The following EXOC4 variants were observed in gnomAD, a reference collection of about 807,000 sequenced individuals.
EXOC4 encodes exocyst complex component 4.
In EXOC4, 71 loss-of-function variants were observed where a neutral mutation model predicts 107.2. That is an observed-to-expected ratio of 0.66 (90% CI 0.55 to 0.81). The LOEUF (loss-of-function observed/expected upper bound fraction) is 0.81. Among genes scored for constraint, EXOC4 ranks in the 30% least tolerant of loss-of-function variants. The probability of loss-of-function intolerance (pLI) is 0.00; values close to 1 mark genes in which losing one functional copy is unlikely to be tolerated. For synonymous variants in EXOC4, 456 were observed against 441.2 expected, an observed-to-expected ratio of 1.03 and a Z score of -0.42; for missense variants, 1,108 against 1,189.6, an observed-to-expected ratio of 0.93 and a Z score of 1.01.
At chr7:133,711,869 T>A (rs1794899723) in intron 10 of EXOC4, among the ~76,000 whole-genome samples, 1 of 152,150 alleles carries the variant, frequency 6.6e-6, no homozygotes, top group African/African-American at 2.4e-5. Context: ...GCCTTCCTGT[T>A]TATTTATTTA....
At chr7:133,940,594 C>A (rs1336235698) in intron 14 of EXOC4, among the ~76,000 whole-genome samples, 3 of 152,138 alleles carry the variant, frequency 2.0e-5, no homozygotes. Flanking sequence ...TCAAGCAAGC[C>A]TGGTTTATCC....
At chr7:133,706,253 A>G (rs1396806837) in intron 10 of EXOC4, among the ~76,000 whole-genome samples, 1 of 152,238 alleles carries the variant, frequency 6.6e-6, no homozygotes, top group African/African-American at 2.4e-5. Context: ...ATATAATTAA[A>G]TTATTGTACT....
chr7:133,914,894 T>A (rs992753944), intron 12 of EXOC4, among the ~76,000 whole-genome samples: 2 of 152,098 alleles, frequency 1.3e-5, no homozygotes, highest in African/African-American at 2.4e-5. Context: ...TACCAAAGAA[T>A]ATAAAGCCAC....
chr7:133,320,813 A>T (rs1165217404), intron 5 of EXOC4, among the ~76,000 whole-genome samples: 1 of 152,238 alleles, frequency 6.6e-6, no homozygotes, highest in Non-Finnish European at 1.5e-5. Flanking sequence ...AATTGTATAA[A>T]TGAGGAAGAT....
At chr7:133,814,001 AG>A (rs1325633637) in intron 10 of EXOC4, among the ~76,000 whole-genome samples, 9 of 152,216 alleles carry the variant, frequency 5.9e-5, no homozygotes, top group African/African-American at 2.2e-4. Flanking sequence ...TATTAAATAT[AG>A]TCTTTGATAT....
chr7:133,409,301 T>C (rs1797301509), intron 7 of EXOC4, among the ~76,000 whole-genome samples: 2 of 152,198 alleles, frequency 1.3e-5, no homozygotes, highest in South Asian at 4.1e-4. Context: ...TCTTAATTCA[T>C]TGCCATTATG....
At chr7:133,932,541 G>C (rs1186888351) in intron 13 of EXOC4, among the ~76,000 whole-genome samples, 7 of 152,122 alleles carry the variant, frequency 4.6e-5, no homozygotes, top group Non-Finnish European at 7.3e-5. Context: ...CTGACATCTT[G>C]CTATACTCAC....
chr7:133,552,711 T>C (rs551831496), intron 9 of EXOC4, among the ~76,000 whole-genome samples: 1 of 152,236 alleles, frequency 6.6e-6, no homozygotes, highest in Admixed American at 6.5e-5. Context: ...ACAGTCCAGC[T>C]ACATGGAAGT....
At chr7:134,042,155 T>G (rs1352802190) in intron 17 of EXOC4, among the ~76,000 whole-genome samples, 1 of 152,154 alleles carries the variant, frequency 6.6e-6, no homozygotes, top group Non-Finnish European at 1.5e-5. Context: ...GGAGGATACC[T>G]GGGAAAAACT....
chr7:133,254,935 C>T (rs759529128), intron 1 of EXOC4, among the ~76,000 whole-genome samples: 2 of 152,120 alleles, frequency 1.3e-5, no homozygotes, highest in African/African-American at 2.4e-5. Flanking sequence ...TTGAAAACAG[C>T]ATGAAAGCCA....
At chr7:134,036,167 T>G (rs546911624) in intron 17 of EXOC4, among the ~76,000 whole-genome samples, 2 of 152,340 alleles carry the variant, frequency 1.3e-5, no homozygotes, top group South Asian at 4.1e-4. Context: ...TGCCCCTGTA[T>G]GAGTTTAATG....
intron 9 of EXOC4, among the ~76,000 whole-genome samples, chr7:133,538,839 AAAAGAAAG>A (rs200950060): frequency 1.7e-5 from 2 of 118,476 alleles, no homozygotes; most frequent in African/African-American, 3.3e-5. Flanking sequence ...TCTTGAAAGA[AAAAGAAAG>A]AAAGAAAGAA....
chr7:134,018,525 AGTGAATT>A (rs1794959492), intron 17 of EXOC4, among the ~76,000 whole-genome samples: 1 of 152,194 alleles, frequency 6.6e-6, no homozygotes, highest in South Asian at 2.1e-4. Flanking sequence ...ACATGGCCAC[AGTGAATT>A]CTGTGGCCAG....
At chr7:133,990,871 A>G (rs550149864) in intron 14 of EXOC4, among the ~76,000 whole-genome samples, 6 of 152,188 alleles carry the variant, frequency 3.9e-5, no homozygotes, top group Admixed American at 1.3e-4. Context: ...GCTATGGTGA[A>G]TAGTGCTGCA....
chr7:133,551,930 C>G (rs1800597181), intron 9 of EXOC4, among the ~76,000 whole-genome samples: 2 of 152,078 alleles, frequency 1.3e-5, no homozygotes, highest in Non-Finnish European at 1.5e-5. Context: ...ACAGTGTATC[C>G]ATTTCTGACT....
At chr7:133,668,798 A>G (rs1456123435) in intron 10 of EXOC4, among the ~76,000 whole-genome samples, 2 of 152,094 alleles carry the variant, frequency 1.3e-5, no homozygotes, top group Non-Finnish European at 2.9e-5. Flanking sequence ...TATGGTTCCA[A>G]GGACCTGGGC....
intron 17 of EXOC4, among the ~76,000 whole-genome samples, chr7:134,008,729 A>G (rs1303241041): frequency 6.6e-6 from 1 of 151,992 alleles, no homozygotes; most frequent in Non-Finnish European, 1.5e-5. Context: ...TATAGCCTTG[A>G]ATTCCTAGGC....
intron 7 of EXOC4, among the ~76,000 whole-genome samples, chr7:133,438,116 TTGTC>T (rs1324854070): frequency 3.3e-5 from 5 of 152,322 alleles, no homozygotes; most frequent in Admixed American, 2.0e-4. Flanking sequence ...AGATCTGTCT[TTGTC>T]TGTAGATCTT....
At chr7:133,297,189 C>G (rs149615444) in intron 3 of EXOC4, among the ~76,000 whole-genome samples, 3 of 152,096 alleles carry the variant, frequency 2.0e-5, no homozygotes, top group African/African-American at 4.8e-5. Flanking sequence ...GAGTATTTGG[C>G]TTTTATTCTG....
Sources: gnomAD v4.1 joint callset for allele counts (sites outside exome capture counted in the v4.1 genomes callset) on GRCh38, gnomAD v4.1.1 for gene constraint, MANE v1.5 for transcripts, NCBI Gene and HGNC (gene_info 2026-07-23, HGNC 2026-07-21) for gene names.